The following DLG2 variants were observed in gnomAD, a reference collection of about 807,000 sequenced individuals.
DLG2 encodes discs large MAGUK scaffold protein 2.
In DLG2, 45 loss-of-function variants were observed where a neutral mutation model predicts 132.5. That is an observed-to-expected ratio of 0.34 (90% CI 0.27 to 0.44). The LOEUF (loss-of-function observed/expected upper bound fraction) is 0.44. DLG2 is among the 20% of genes least tolerant of loss of function. The pLI is 1.00. For missense variants in DLG2, 1,045 were observed against 1,196.9 expected (o/e 0.87, Z 1.87); for synonymous variants, 424 against 419.6 (o/e 1.01, Z -0.13).
At chr11:84,450,589 G>A (rs2154480925) in intron 7 of DLG2, among the ~76,000 whole-genome samples, 1 of 151,476 alleles carries the variant, frequency 6.6e-6, no homozygotes, top group Admixed American at 6.6e-5. Context: ...TGATGAAGGT[G>A]GTAGAAATAA....
At chr11:84,204,548 G>A (rs2096640745) in intron 8 of DLG2, among the ~76,000 whole-genome samples, 4 of 151,966 alleles carry the variant, frequency 2.6e-5, no homozygotes, top group African/African-American at 9.7e-5. Flanking sequence ...CAAAAAAACA[G>A]AAGAAACAGA....
intron 6 of DLG2, among the ~76,000 whole-genome samples, chr11:84,808,079 A>G (rs2076193617): frequency 6.6e-6 from 1 of 152,150 alleles, no homozygotes. Context: ...TTTACAATGC[A>G]TTGTATCCAG....
intron 17 of DLG2, among the ~76,000 whole-genome samples, chr11:83,806,081 G>A (rs2153952336): frequency 6.6e-6 from 1 of 152,084 alleles, no homozygotes; most frequent in East Asian, 1.9e-4. Flanking sequence ...TTTACTTCCT[G>A]TTTTCCTGGA....
intron 6 of DLG2, among the ~76,000 whole-genome samples, chr11:84,808,480 G>A (rs1228296610): frequency 1.3e-5 from 2 of 151,956 alleles, no homozygotes; most frequent in Admixed American, 6.6e-5. Context: ...AGAAACAAAT[G>A]TAATTTAAAT....
intron 3 of DLG2, among the ~76,000 whole-genome samples, chr11:85,555,576 T>C (rs2076897763): frequency 6.6e-6 from 1 of 151,906 alleles, no homozygotes; most frequent in Non-Finnish European, 1.5e-5. Context: ...GGAGGGACTC[T>C]CTCTGGAATT....
chr11:85,051,669 T>G (rs546028945), intron 6 of DLG2, among the ~76,000 whole-genome samples: 1 of 152,316 alleles, frequency 6.6e-6, no homozygotes, highest in African/African-American at 2.4e-5. Flanking sequence ...AAACTATGAC[T>G]AAGAAATTAG....
chr11:85,224,547 A>G (rs1392492536), intron 4 of DLG2, among the ~76,000 whole-genome samples: 2 of 152,186 alleles, frequency 1.3e-5, no homozygotes, highest in Non-Finnish European at 2.9e-5. Context: ...CTAAAATCAA[A>G]TATTAGCAGA....
At chr11:85,386,404 C>A in intron 3 of DLG2, among the ~76,000 whole-genome samples, 1 of 152,112 alleles carries the variant, frequency 6.6e-6, no homozygotes, top group East Asian at 1.9e-4. Flanking sequence ...AATGTCGACA[C>A]CCTACCTCCA....
At chr11:84,061,135 A>C (rs2096584758) in intron 10 of DLG2, among the ~76,000 whole-genome samples, 2 of 152,298 alleles carry the variant, frequency 1.3e-5, no homozygotes, top group African/African-American at 4.8e-5. Flanking sequence ...GAATAAGACT[A>C]AGTTCAATGA....
intron 7 of DLG2, among the ~76,000 whole-genome samples, chr11:84,418,455 T>C (rs1435132319): frequency 2.6e-5 from 4 of 152,208 alleles, no homozygotes; most frequent in African/African-American, 7.2e-5. Flanking sequence ...GGAGGTATCA[T>C]TATTTTTAGA....
intron 6 of DLG2, among the ~76,000 whole-genome samples, chr11:84,794,690 A>T (rs1389168796): frequency 2.0e-5 from 3 of 151,968 alleles, no homozygotes; most frequent in Non-Finnish European, 4.4e-5. Context: ...GTCTCTCCCC[A>T]CTCCTGGCAC....
In DLG2 at chr11:85,598,729, C is replaced by T; in HGVS notation, c.-33G>A. 1 of 1,564,434 alleles carries T rather than the reference C, an allele frequency of 6.4e-7. No individual in the cohort carries two copies. Among genetic ancestry groups the T allele is most frequent in the Non-Finnish European group, 8.6e-7 (1 of 1,158,164 alleles). ...TTAACCGCATTTTTCAACAGCTGCT[C>T]CTCTGGTTTCCTTAATTTTTTGCAG... On this transcript the variant is annotated 5_prime_UTR_variant, in exon 3 of 28. Transcript: ENST00000376104.
intron 18 of DLG2, among the ~76,000 whole-genome samples, chr11:83,775,800 T>C (rs1243706921): frequency 2.0e-5 from 3 of 151,542 alleles, no homozygotes; most frequent in Admixed American, 6.6e-5. Flanking sequence ...AGAAGGAATA[T>C]AAAGATGAAT....
intron 18 of DLG2, among the ~76,000 whole-genome samples, chr11:83,766,937 C>T (rs1002376921): frequency 1.3e-5 from 2 of 152,146 alleles, no homozygotes; most frequent in African/African-American, 4.8e-5. Flanking sequence ...GTCTTCAAAG[C>T]CAGCGATGCC....
At chr11:85,506,621 A>C (rs1177381041) in intron 3 of DLG2, among the ~76,000 whole-genome samples, 1 of 152,216 alleles carries the variant, frequency 6.6e-6, no homozygotes, top group African/African-American at 2.4e-5. Flanking sequence ...TTTGCTGAGG[A>C]GTGCTTTACT....
chr11:84,482,447 GA>G (rs995736389), intron 7 of DLG2, among the ~76,000 whole-genome samples: 3 of 152,106 alleles, frequency 2.0e-5, no homozygotes, highest in Admixed American at 1.3e-4. Context: ...TATAGTATGA[GA>G]ACATTTTTGA....
chr11:84,759,232 C>G (rs1177284091), intron 6 of DLG2, among the ~76,000 whole-genome samples: 5 of 152,068 alleles, frequency 3.3e-5, no homozygotes, highest in Admixed American at 3.3e-4. Context: ...CAGTCTAACA[C>G]CTGGAGATAT....
At chr11:85,396,852 C>A (rs1338664557) in intron 3 of DLG2, among the ~76,000 whole-genome samples, 1 of 152,214 alleles carries the variant, frequency 6.6e-6, no homozygotes, top group South Asian at 2.1e-4. Context: ...AGAAAACACT[C>A]TTCAAGATAT....
intron 6 of DLG2, among the ~76,000 whole-genome samples, chr11:84,782,493 C>T (rs554710749): frequency 2.6e-5 from 4 of 151,534 alleles, no homozygotes; most frequent in Non-Finnish European, 5.9e-5. Context: ...AAAATATTTG[C>T]GTATATCTCT....
Sources: gnomAD v4.1 joint callset for allele counts (sites outside exome capture counted in the v4.1 genomes callset) on GRCh38, gnomAD v4.1.1 for gene constraint, MANE v1.5 for transcripts, NCBI Gene and HGNC (gene_info 2026-07-23, HGNC 2026-07-21) for gene names.